The following PRELID2 variants were observed in gnomAD, a reference collection of about 807,000 sequenced individuals.
PRELID2 encodes PRELI domain-containing protein 2.
A neutral mutation model predicts 28.4 loss-of-function variants in PRELID2; 25 were observed. The observed-to-expected ratio is 0.88, with a 90% CI of 0.64 to 1.23. The LOEUF (loss-of-function observed/expected upper bound fraction) is 1.23, where lower values mean the gene tolerates loss of function less well. PRELID2 is among the 50% of genes most tolerant of loss of function. The pLI, the probability that PRELID2 is intolerant of heterozygous loss-of-function variation, is 0.00. For missense variants in PRELID2, 201 were observed against 214.4 expected (o/e 0.94, Z 0.39); for synonymous variants, 76 against 71.6 (o/e 1.06, Z -0.31).
chr5:145,641,831 C>A (rs773280722), intron 1 of PRELID2, among the ~76,000 whole-genome samples: 15 of 152,212 alleles, frequency 9.9e-5, no homozygotes, highest in Non-Finnish European at 1.5e-4. Context: ...TATGTCCCTG[C>A]AAAGGACATG....
the PRELID2 span, among the ~76,000 whole-genome samples, chr5:145,379,499 C>G: frequency 6.6e-6 from 1 of 152,020 alleles, no homozygotes; most frequent in Admixed American, 6.6e-5. Context: ...TTCTCTGTGC[C>G]CAGCAAGCAA....
At chr5:145,676,240 A>AAAAAAAAAC (rs1554082907) in intron 1 of PRELID2, among the ~76,000 whole-genome samples, 1 of 147,782 alleles carries the variant, frequency 6.8e-6, no homozygotes, top group African/African-American at 2.6e-5. Flanking sequence ...AAAAAAAAAA[A>AAAAAAAAAC]AATAATGTGT....
chr5:145,331,107 G>T, the PRELID2 span, among the ~76,000 whole-genome samples: 1 of 152,148 alleles, frequency 6.6e-6, no homozygotes, highest in African/African-American at 2.4e-5. Context: ...TTAATCCTGA[G>T]TTCTAATTTG....
intron 1 of PRELID2, among the ~76,000 whole-genome samples, chr5:145,663,135 G>A (rs1754526261): frequency 6.6e-6 from 1 of 152,066 alleles, no homozygotes; most frequent in South Asian, 2.1e-4. Context: ...TGCAATGTAT[G>A]AAGAAGCCAT....
chr5:145,412,597 C>T, the PRELID2 span, among the ~76,000 whole-genome samples: 2 of 152,316 alleles, frequency 1.3e-5, no homozygotes, highest in East Asian at 3.9e-4. Context: ...AACCTTCTCA[C>T]ATTTTTCTGT....
At chr5:145,238,134 C>A in the PRELID2 span, among the ~76,000 whole-genome samples, 3 of 152,070 alleles carry the variant, frequency 2.0e-5, no homozygotes, top group Non-Finnish European at 4.4e-5. Context: ...TTCCCCAAGC[C>A]TCCCTATTAG....
intron 1 of PRELID2, among the ~76,000 whole-genome samples, chr5:145,651,887 G>GA: frequency 6.6e-6 from 1 of 152,342 alleles, no homozygotes; most frequent in African/African-American, 2.4e-5. Flanking sequence ...GCCAGCAATG[G>GA]AACAAAGCTG....
At chr5:145,679,255 T>C (rs1029229001) in intron 1 of PRELID2, among the ~76,000 whole-genome samples, 2 of 152,170 alleles carry the variant, frequency 1.3e-5, no homozygotes, top group Non-Finnish European at 2.9e-5. Flanking sequence ...TAGTTTGAAC[T>C]TTTCTGCCCC....
At chr5:145,686,842 T>A (rs1755047016) in intron 1 of PRELID2, among the ~76,000 whole-genome samples, 2 of 152,186 alleles carry the variant, frequency 1.3e-5, no homozygotes, top group African/African-American at 4.8e-5. Context: ...ATTTTCCAAA[T>A]AAAAAATTTT....
At chr5:145,703,486 T>G (rs1755463502) in intron 1 of PRELID2, among the ~76,000 whole-genome samples, 1 of 152,176 alleles carries the variant, frequency 6.6e-6, no homozygotes, top group African/African-American at 2.4e-5. Flanking sequence ...AAGCCACACA[T>G]GCTAACCCTA....
chr5:145,236,255 C>T, the PRELID2 span, among the ~76,000 whole-genome samples: 1 of 152,022 alleles, frequency 6.6e-6, no homozygotes, highest in Non-Finnish European at 1.5e-5. Flanking sequence ...TTGCAGTATC[C>T]CTGCCCTAAA....
the PRELID2 span, among the ~76,000 whole-genome samples, chr5:145,291,388 G>A: frequency 2.7e-5 from 4 of 147,318 alleles, no homozygotes; most frequent in Non-Finnish European, 5.9e-5. Context: ...ATACAGACAT[G>A]GAAGAAGTCC....
chr5:145,553,012 T>C (rs1752850220), intron 1 of PRELID2, among the ~76,000 whole-genome samples: 1 of 152,234 alleles, frequency 6.6e-6, no homozygotes, highest in African/African-American at 2.4e-5. Flanking sequence ...TTCTACCTTT[T>C]GCAGATATTT....
chr5:145,695,923 G>A (rs1561547028), intron 1 of PRELID2, among the ~76,000 whole-genome samples: 2 of 152,070 alleles, frequency 1.3e-5, no homozygotes, highest in South Asian at 4.2e-4. Flanking sequence ...AAATATCAGA[G>A]GGGGGAGAAT....
chr5:145,715,618 C>A (rs1414080896), intron 1 of PRELID2, among the ~76,000 whole-genome samples: 1 of 152,182 alleles, frequency 6.6e-6, no homozygotes, highest in Non-Finnish European at 1.5e-5. Flanking sequence ...GTCTTCTTCT[C>A]TGACCTCATT....
the PRELID2 span, among the ~76,000 whole-genome samples, chr5:145,276,759 A>T: frequency 1.3e-5 from 2 of 152,166 alleles, no homozygotes; most frequent in Non-Finnish European, 2.9e-5. Context: ...AAGTTCTATC[A>T]TCACTTTCCT....
In PRELID2 at chr5:145,821,660, T is replaced by C. The variant is rs7717428; in HGVS notation, c.133+1417A>G. 5.8e-3 allele frequency among the ~76,000 whole-genome samples: 883 copies of C among 152,334 alleles called. 9 individuals carry two copies. Among genetic ancestry groups the C allele is most frequent in the African/African-American group, 0.02 (840 of 41,584 alleles). ...ACCCTGACTGCCCAGAAGCTGTTGATAGGGTGCAAACCCCTCTGCCCATTG... is the reference window on the plus strand; with the variant it reads ...ACCCTGACTGCCCAGAAGCTGTTGACAGGGTGCAAACCCCTCTGCCCATTG... On this transcript the variant is annotated intron_variant, in intron 2 of 6. Transcript: ENST00000683046.
chr5:145,407,138 G>A, the PRELID2 span, among the ~76,000 whole-genome samples: 1 of 152,216 alleles, frequency 6.6e-6, no homozygotes, highest in Non-Finnish European at 1.5e-5. Context: ...AGCTATAGCT[G>A]ATAGTGCAGA....
intron 1 of PRELID2, among the ~76,000 whole-genome samples, chr5:145,698,140 A>C (rs1187527609): frequency 6.6e-6 from 1 of 152,154 alleles, no homozygotes; most frequent in Non-Finnish European, 1.5e-5. Flanking sequence ...AAGCTATAGA[A>C]AGTTTAGATT....
Sources: allele counts gnomAD v4.1 joint callset (sites outside exome capture counted in the v4.1 genomes callset), GRCh38; gene constraint gnomAD v4.1.1; transcripts MANE v1.5; gene names NCBI Gene and HGNC (gene_info 2026-07-23, HGNC 2026-07-21).